Variants in IGF2BP3 observed in about 807,000 individuals in gnomAD.
The protein encoded by IGF2BP3 is insulin like growth factor 2 mRNA binding protein 3, also known as insulin-like growth factor 2 mRNA-binding protein 3.
Under a neutral mutation model 73.8 loss-of-function variants are expected in IGF2BP3, and 9 were observed. That is an observed-to-expected ratio of 0.12 (90% CI 0.07 to 0.21). IGF2BP3 has a LOEUF of 0.21. IGF2BP3 is among the 10% of genes least tolerant of loss of function. IGF2BP3 has a pLI of 1.00. For missense variants in IGF2BP3, 542 were observed against 714.0 expected (o/e 0.76, Z 2.75); for synonymous variants, 258 against 256.7 (o/e 1.01, Z -0.05).
At chr7:23,456,756 A>G (rs962561770) in intron 2 of IGF2BP3, among the ~76,000 whole-genome samples, 12 of 152,232 alleles carry the variant, frequency 7.9e-5, no homozygotes, top group Admixed American at 1.3e-4. Context: ...AACATAAGAA[A>G]TTTAGTTTTG....
At chr7:23,427,306 C>A (rs149794099) in intron 2 of IGF2BP3, among the ~76,000 whole-genome samples, 1,576 of 152,226 alleles carry the variant, frequency 0.01, 15 homozygotes, top group Non-Finnish European at 0.013. Context: ...TCTTGGAGGT[C>A]CCGTTTCCCT....
At position 23,335,441 on chromosome 7, in the gene IGF2BP3, C is replaced by T. The variant is rs147394248; in HGVS notation, c.1203+6623G>A. On this transcript the variant is annotated intron_variant, in intron 10 of 14. Coordinates refer to ENST00000258729, the MANE Select transcript of IGF2BP3 (RefSeq NM_006547.3). ...TGGGATAGGCAAAGGCCACCACCCC[C>T]GGCTAATCTAAAAAAGTTTTTTTTT... 2.8e-3 allele frequency among the ~76,000 whole-genome samples: 423 copies of T among 151,904 alleles called. 8 individuals are homozygous for T. The highest frequency in any genetic ancestry group is 0.014 in the East Asian group (74 of 5,166).
chr7:23,330,438 C>A (rs1784415805), intron 10 of IGF2BP3, among the ~76,000 whole-genome samples: 1 of 151,696 alleles, frequency 6.6e-6, no homozygotes, highest in Non-Finnish European at 1.5e-5. Flanking sequence ...GGGCTGCCTT[C>A]CCCTCTCCTC....
At chr7:23,340,204 A>G (rs1784673684) in intron 10 of IGF2BP3, among the ~76,000 whole-genome samples, 1 of 152,178 alleles carries the variant, frequency 6.6e-6, no homozygotes, top group African/African-American at 2.4e-5. Context: ...TTCAGGGGGC[A>G]CGTAATGAAT....
At chr7:23,440,863 C>T (rs572372962) in intron 2 of IGF2BP3, among the ~76,000 whole-genome samples, 164 of 152,258 alleles carry the variant, frequency 1.1e-3, no homozygotes, top group African/African-American at 3.9e-3. Flanking sequence ...GACGATTAAA[C>T]CTTGAACATA....
chr7:23,427,032 C>A (rs1038210103), intron 2 of IGF2BP3, among the ~76,000 whole-genome samples: 5 of 152,216 alleles, frequency 3.3e-5, no homozygotes, highest in African/African-American at 9.6e-5. Flanking sequence ...CTTATCACAT[C>A]ACCTGACTCA....
rs545952710 is a variant in IGF2BP3, at chr7:23,461,872, T to C, written c.236+6610A>G. Among the ~76,000 whole-genome samples, 258 of 152,298 alleles carry C rather than the reference T, an allele frequency of 1.7e-3. 1 individual carries two copies. Among genetic ancestry groups the C allele is most frequent in the Non-Finnish European group, 3.1e-3 (209 of 68,024 alleles). ...ATGGAGTCTATTTCCATATCTCCCC[T>C]GAATCTGAGCTAGCCTGATGACTTG... On this transcript the variant is annotated intron_variant, in intron 2 of 14. Transcript: ENST00000258729.
At chr7:23,466,594 T>TA (rs1394897003) in intron 2 of IGF2BP3, among the ~76,000 whole-genome samples, 1 of 152,288 alleles carries the variant, frequency 6.6e-6, no homozygotes, top group African/African-American at 2.4e-5. Flanking sequence ...TCTTACCTTA[T>TA]GTGCTTTCCT....
intron 5 of IGF2BP3, among the ~76,000 whole-genome samples, chr7:23,355,645 T>G (rs1295250304): frequency 1.3e-5 from 2 of 152,062 alleles, no homozygotes; most frequent in Non-Finnish European, 2.9e-5. Context: ...ATAAGAAGTT[T>G]ACTGGGGCCA....
rs1783808410 is a variant in IGF2BP3 at position 23,310,903 on chromosome 7, C to T, written c.*1459G>A. On this transcript the variant is annotated 3_prime_UTR_variant, in exon 15 of 15. Transcript: ENST00000258729. Reference sequence around the variant, plus strand: ...CAGAGAGCAGCGTGGCCTTGGAGACCACCCACACCCAACACAATTGTACGT... The same window carrying T: ...CAGAGAGCAGCGTGGCCTTGGAGACTACCCACACCCAACACAATTGTACGT... 1 of 152,016 alleles carries T rather than the reference C, an allele frequency of 6.6e-6. No individual in the cohort carries two copies. The highest frequency in any genetic ancestry group is 2.1e-4 in the South Asian group (1 of 4,814). The allele number at this position is 152,016 out of a possible 1,614,324, so 9.4% of individuals were successfully genotyped here.
intron 5 of IGF2BP3, among the ~76,000 whole-genome samples, chr7:23,360,227 C>T (rs1243114048): frequency 6.6e-6 from 1 of 152,160 alleles, no homozygotes; most frequent in East Asian, 1.9e-4. Flanking sequence ...TACATGCTTA[C>T]ATACACACGA....
intron 2 of IGF2BP3, 98 bp from the exon 3 acceptor site, chr7:23,418,922 C>T (rs1297921953): frequency 3.7e-5 from 28 of 750,250 alleles, no homozygotes; most frequent in Admixed American, 1.1e-4. Context: ...AATATTAACT[C>T]TATATTAATT....
Position 23,312,115 on chromosome 7 carries a change from C to A in IGF2BP3, c.*247G>T. 3.7e-5 allele frequency: 15 copies of A among 401,096 alleles called. No homozygotes were observed. The highest frequency in any genetic ancestry group is 5.4e-5 in the Non-Finnish European group (12 of 222,866). The allele number at this position is 401,096 out of a possible 1,614,324, so 24.8% of individuals were successfully genotyped here. ...AAGTGCAGAGCTCTTCTCTTTCCCT[C>A]CCTCCCCCACCCTTTTTTTGTTTGT... On this transcript the variant is annotated 3_prime_UTR_variant, in exon 15 of 15. Coordinates refer to ENST00000258729, the MANE Select transcript of IGF2BP3 (RefSeq NM_006547.3).
chr7:23,361,231 T>C (rs1785218836), intron 5 of IGF2BP3: 1 of 251,076 alleles, frequency 4.0e-6, no homozygotes, highest in South Asian at 6.1e-5. Flanking sequence ...GGAGAGACTT[T>C]ATGTTATTTG....
intron 2 of IGF2BP3, among the ~76,000 whole-genome samples, chr7:23,422,102 C>G (rs1220816218): frequency 6.6e-6 from 1 of 152,094 alleles, no homozygotes; most frequent in African/African-American, 2.4e-5. Flanking sequence ...AATCAAGTAT[C>G]TAACACAGTA....
At chr7:23,375,471 TA>T (rs1488063616) in intron 3 of IGF2BP3, among the ~76,000 whole-genome samples, 1 of 152,154 alleles carries the variant, frequency 6.6e-6, no homozygotes, top group African/African-American at 2.4e-5. Flanking sequence ...TTTTCGCCGC[TA>T]AAACAAAATG....
intron 10 of IGF2BP3, among the ~76,000 whole-genome samples, chr7:23,330,957 C>T (rs1226908954): frequency 1.3e-5 from 2 of 151,854 alleles, no homozygotes; most frequent in Non-Finnish European, 2.9e-5. Flanking sequence ...ACCACCATGC[C>T]CGGCTAATTT....
At chr7:23,356,555 C>A (rs1247728287) in intron 5 of IGF2BP3, among the ~76,000 whole-genome samples, 3 of 152,148 alleles carry the variant, frequency 2.0e-5, no homozygotes, top group Admixed American at 6.5e-5. Context: ...AGAATGAGAA[C>A]CTGTCTCAAA....
At chr7:23,446,513 C>T (rs1485111921) in intron 2 of IGF2BP3, among the ~76,000 whole-genome samples, 2 of 152,090 alleles carry the variant, frequency 1.3e-5, no homozygotes, top group Non-Finnish European at 2.9e-5. Flanking sequence ...GCCGAGATCG[C>T]ACCACTGCAC....
Sources: allele counts gnomAD v4.1 joint callset (sites outside exome capture counted in the v4.1 genomes callset), GRCh38; gene constraint gnomAD v4.1.1; transcripts MANE v1.5; gene names NCBI Gene and HGNC (gene_info 2026-07-23, HGNC 2026-07-21).